IL15: variants seen among roughly 807,000 people sequenced by gnomAD.
IL15 encodes the protein interleukin 15.
A neutral mutation model predicts 19.6 loss-of-function variants in IL15; 11 were observed. The ratio of observed to expected loss-of-function variants is 0.56; its 90% CI spans 0.35 to 0.93. The LOEUF is 0.93. Among genes scored for constraint, IL15 ranks in the 40% least tolerant of loss-of-function variants. IL15 has a pLI of 0.01. For synonymous variants in IL15, 58 were observed against 59.6 expected (o/e 0.97, Z 0.12); for missense variants, 197 against 186.5 (o/e 1.06, Z -0.33).
chr4:141,714,523 G>C (rs142255706), intron 2 of IL15: 16 of 152,216 alleles, frequency 1.1e-4, no homozygotes, highest in African/African-American at 3.9e-4. Flanking sequence ...CTACTTTCTT[G>C]TCAGCCATCC....
chr4:141,723,563 C>T (rs1024329263), intron 5 of IL15, among the ~76,000 whole-genome samples: 2 of 152,154 alleles, frequency 1.3e-5, no homozygotes, highest in Admixed American at 6.5e-5. Context: ...TTCCAGTCTC[C>T]AGAACTGTAA....
At chr4:141,708,417 T>C (rs1729597700) in intron 2 of IL15, among the ~76,000 whole-genome samples, 1 of 152,138 alleles carries the variant, frequency 6.6e-6, no homozygotes, top group African/African-American at 2.4e-5. Flanking sequence ...TTGAGCTCTA[T>C]CATCTTAGGC....
intron 2 of IL15, among the ~76,000 whole-genome samples, chr4:141,707,316 TTGTC>T (rs574684809): frequency 2.2e-3 from 328 of 152,246 alleles, no homozygotes; most frequent in African/African-American, 7.3e-3. Flanking sequence ...TATTGATTGT[TTGTC>T]TGTGTTCTAT....
intron 2 of IL15, among the ~76,000 whole-genome samples, chr4:141,689,953 G>A (rs965562241): frequency 1.3e-5 from 2 of 152,206 alleles, no homozygotes; most frequent in African/African-American, 4.8e-5. Flanking sequence ...AGCCCATGGA[G>A]GGGGTGGGAG....
At chr4:141,638,942 T>C (rs1218533801) in intron 1 of IL15, among the ~76,000 whole-genome samples, 1 of 152,242 alleles carries the variant, frequency 6.6e-6, no homozygotes, top group Non-Finnish European at 1.5e-5. Context: ...TGTTGAGTTC[T>C]GCTCATTGTG....
At chr4:141,686,427 A>G (rs1160709725) in intron 2 of IL15, among the ~76,000 whole-genome samples, 2 of 152,246 alleles carry the variant, frequency 1.3e-5, no homozygotes, top group African/African-American at 4.8e-5. Context: ...CTATTTCATT[A>G]TCGTCCAGAA....
At chr4:141,638,215 C>T (rs1043508457) in intron 1 of IL15, among the ~76,000 whole-genome samples, 13 of 152,160 alleles carry the variant, frequency 8.5e-5, no homozygotes, top group African/African-American at 3.1e-4. Flanking sequence ...ACTGAAAATA[C>T]AGCAAAAGCC....
chr4:141,720,746 A>G (rs1288877838), intron 4 of IL15, 180 bp downstream of exon 4: 4 of 610,722 alleles, frequency 6.5e-6, no homozygotes, highest in Non-Finnish European at 1.1e-5. Context: ...CTAACTGAGC[A>G]TTTTTCTACA....
intron 2 of IL15, among the ~76,000 whole-genome samples, chr4:141,702,191 G>T (rs150156640): frequency 2.1e-3 from 325 of 152,274 alleles, no homozygotes; most frequent in African/African-American, 7.5e-3. Flanking sequence ...TTCCACCAGT[G>T]GAAAGATCTG....
chr4:141,679,611 T>C (rs1304737853), intron 2 of IL15, among the ~76,000 whole-genome samples: 1 of 152,238 alleles, frequency 6.6e-6, no homozygotes, highest in Non-Finnish European at 1.5e-5. Context: ...TCATGCATGA[T>C]TGTGCTTACT....
intron 1 of IL15, among the ~76,000 whole-genome samples, chr4:141,653,772 C>T (rs1727494293): frequency 6.6e-6 from 1 of 152,152 alleles, no homozygotes; most frequent in Non-Finnish European, 1.5e-5. Context: ...GAAATATTCA[C>T]ATGAGTAATT....
chr4:141,714,391 G>A (rs1254542587), intron 2 of IL15, among the ~76,000 whole-genome samples: 3 of 151,770 alleles, frequency 2.0e-5, no homozygotes, highest in Non-Finnish European at 2.9e-5. Flanking sequence ...AGTCCCATCA[G>A]CATGCAAACA....
chr4:141,677,961 T>A (rs1728402461), intron 2 of IL15, among the ~76,000 whole-genome samples: 2 of 152,130 alleles, frequency 1.3e-5, no homozygotes, highest in Admixed American at 1.3e-4. Flanking sequence ...GAGTTAGAGG[T>A]CAAGCCTGGG....
intron 2 of IL15, among the ~76,000 whole-genome samples, chr4:141,663,359 G>C (rs1465406674): frequency 1.3e-5 from 2 of 152,166 alleles, no homozygotes; most frequent in African/African-American, 4.8e-5. Context: ...TATAACGAAA[G>C]ACAGATTAAC....
chr4:141,686,585 T>A (rs1051097486), intron 2 of IL15, among the ~76,000 whole-genome samples: 1 of 152,174 alleles, frequency 6.6e-6, no homozygotes. Flanking sequence ...GCCTACCTCA[T>A]ACGGTTATTG....
chr4:141,647,110 C>T (rs1190611540), intron 1 of IL15, among the ~76,000 whole-genome samples: 2 of 152,128 alleles, frequency 1.3e-5, no homozygotes, highest in South Asian at 4.2e-4. Flanking sequence ...TTGATTTTGG[C>T]ACTTCAGCAG....
chr4:141,677,328 T>C (rs987700751), intron 2 of IL15, among the ~76,000 whole-genome samples: 5 of 152,216 alleles, frequency 3.3e-5, no homozygotes, highest in South Asian at 2.1e-4. Context: ...ATAATAATTA[T>C]GTTTTCTCTT....
Position 141,721,950 on chromosome 4 carries a change from C to T in IL15, c.137C>T (p.Thr46Ile). 1 of 1,594,762 alleles carries T rather than the reference C, an allele frequency of 6.3e-7. No homozygotes were observed. Among genetic ancestry groups the T allele is most frequent in the Non-Finnish European group, 8.6e-7 (1 of 1,165,560 alleles). ...TGTTTCAGTGCAGGGCTTCCTAAAA[C>T]AGAAGCCAACTGGGTGAATGTAATA... ...LGCFSAGLPK[T>I]EANWVNVISD... is the part of the protein sequence containing the mutation. The change falls in exon 5 of 8, where the codon ACA (threonine) becomes ATA (isoleucine). Residue 46 changes from threonine (T) to isoleucine (I), a missense_variant. Thr to Ile is a moderately conservative substitution (Grantham distance 89, BLOSUM62 -1). Coordinates refer to ENST00000320650, the MANE Select transcript of IL15 (RefSeq NM_000585.5).
intron 1 of IL15, among the ~76,000 whole-genome samples, chr4:141,640,676 C>T (rs905724471): frequency 6.6e-6 from 1 of 152,128 alleles, no homozygotes; most frequent in Admixed American, 6.5e-5. Context: ...GTCCACATTT[C>T]ACATCCAGAG....
Sources: allele counts gnomAD v4.1 joint callset (sites outside exome capture counted in the v4.1 genomes callset), GRCh38; gene constraint gnomAD v4.1.1; transcripts MANE v1.5; gene names NCBI Gene and HGNC (gene_info 2026-07-23, HGNC 2026-07-21).